Variants in PCDHA7 observed in about 807,000 individuals in gnomAD.
PCDHA7 encodes protocadherin alpha 7.
Under a neutral mutation model 57.2 loss-of-function variants are expected in PCDHA7, and 37 were observed. The ratio of observed to expected loss-of-function variants is 0.65; its 90% CI spans 0.50 to 0.85. The LOEUF is 0.85. Ranked by LOEUF, PCDHA7 falls within the 40% of genes least tolerant of loss-of-function variation. The pLI is 0.00. For missense variants in PCDHA7, 1,188 were observed against 1,241.8 expected, an observed-to-expected ratio of 0.96 and a Z score of 0.65; for synonymous variants, 553 against 558.8, an observed-to-expected ratio of 0.99 and a Z score of 0.15.
chr5:140,876,250 A>C (rs782111802), intron 1 of PCDHA7: 1 of 1,614,046 alleles, frequency 6.2e-7, no homozygotes. Context: ...AAACGACACA[A>C]GAGTGATCCA....
In PCDHA7 at chr5:140,888,611, G is replaced by C. The variant is rs1554183538; in HGVS notation, c.2355+51873G>C. Reference sequence around the variant, plus strand: ...CACATTCAGAGCAGCTTTTAGTGTAGCACTAATTCGGCCTTCTATTACAGC... The same window carrying C: ...CACATTCAGAGCAGCTTTTAGTGTACCACTAATTCGGCCTTCTATTACAGC... On this transcript the variant is annotated intron_variant, in intron 1 of 3. Transcript: ENST00000525929. Among the ~76,000 whole-genome samples the C allele has an allele frequency of 2.0e-5, 3 of 152,144 alleles. No homozygotes were observed. In the East Asian group the frequency reaches 5.8e-4, roughly 29 times the overall value.
At chr5:140,910,276 A>G (rs1461426502) in intron 1 of PCDHA7, among the ~76,000 whole-genome samples, 2 of 152,124 alleles carry the variant, frequency 1.3e-5, no homozygotes, top group African/African-American at 4.8e-5. Flanking sequence ...ACTTCTAGGA[A>G]CACCATGATT....
intron 3 of PCDHA7, among the ~76,000 whole-genome samples, chr5:140,985,928 C>G (rs1001132600): frequency 9.9e-5 from 15 of 151,534 alleles, no homozygotes; most frequent in Non-Finnish European, 1.3e-4. Context: ...TTTAGTAGAG[C>G]CGGGGTTTCA....
Position 140,883,198 on chromosome 5 carries a change from C to G in PCDHA7, c.2355+46460C>G, listed in dbSNP as rs145698462. 1.9e-6 allele frequency: 3 copies of G among 1,613,572 alleles called. No individual in the cohort carries two copies. Among genetic ancestry groups the G allele is most frequent in the Admixed American group, 1.7e-5 (1 of 59,932 alleles). On this transcript the variant is annotated intron_variant, in intron 1 of 3. Transcript: ENST00000525929. ...TTAGGACAAAAGGCAAACTAGATTT[C>G]GAAGAAAAGAAATTATATGAAATAT...
chr5:140,843,328 G>T lies in PCDHA7; in HGVS notation c.2355+6590G>T, dbSNP rs2150357585. On this transcript the variant is annotated intron_variant, in intron 1 of 3. Coordinates refer to ENST00000525929, the MANE Select transcript of PCDHA7 (RefSeq NM_018910.3). ...CCACGGCCACGGTTCTGGTGTCGCT[G>T]GTGGAGAGCGGCCAGGCTCCAAAAG... 18 of 1,595,922 alleles carry T rather than the reference G, an allele frequency of 1.1e-5. 1 individual carries two copies. The South Asian group carries it at 1.7e-4, about 15-fold the overall frequency.
At chr5:140,910,679 A>G (rs1554194364) in intron 1 of PCDHA7, among the ~76,000 whole-genome samples, 1 of 152,208 alleles carries the variant, frequency 6.6e-6, no homozygotes, top group East Asian at 1.9e-4. Context: ...AAGGGAGATC[A>G]GGCATTTCCA....
At chr5:140,910,525 C>T (rs531874263) in intron 1 of PCDHA7, among the ~76,000 whole-genome samples, 2 of 152,258 alleles carry the variant, frequency 1.3e-5, no homozygotes, top group African/African-American at 4.8e-5. Context: ...GCAGGTACTC[C>T]CCTCACAAAT....
chr5:140,861,870 GC>G (rs1319389506), intron 1 of PCDHA7: 1 of 156,092 alleles, frequency 6.4e-6, no homozygotes, highest in East Asian at 1.9e-4. Context: ...ACTGATGGGG[GC>G]GAAGCTGAGC....
chr5:140,903,290 G>A (rs1554190896), intron 1 of PCDHA7, among the ~76,000 whole-genome samples: 3 of 152,016 alleles, frequency 2.0e-5, no homozygotes, highest in African/African-American at 7.3e-5. Flanking sequence ...TTGTGCATTA[G>A]GAAATTTAGT....
At chr5:140,838,077 AGTGTGTGTGTGTGTGTGTGTGT>A (rs57130401) in intron 1 of PCDHA7, among the ~76,000 whole-genome samples, 4 of 80,664 alleles carry the variant, frequency 5.0e-5, no homozygotes, top group Admixed American at 1.2e-4. Flanking sequence ...ATATATATAT[AGTGTGTGTGTGTGTGTGTGTGT>A]GTGTGTGTGT....
At chr5:140,927,891 GA>G (rs1554205193) in intron 1 of PCDHA7, 1 of 1,614,192 alleles carries the variant, frequency 6.2e-7, no homozygotes, top group Admixed American at 1.7e-5. Context: ...TGACTGACGT[GA>G]ACGATCATGC....
At chr5:140,895,868 A>G (rs555320203) in intron 1 of PCDHA7, among the ~76,000 whole-genome samples, 5 of 152,228 alleles carry the variant, frequency 3.3e-5, no homozygotes, top group Admixed American at 6.5e-5. Flanking sequence ...CTGGAGTGCA[A>G]TGGCGCGATC....
intron 1 of PCDHA7, chr5:140,966,547 G>A (rs2096020137): frequency 2.1e-6 from 1 of 467,502 alleles, no homozygotes; most frequent in Non-Finnish European, 3.6e-6. Context: ...ACTCGGAGGC[G>A]AGCGGAGGAG....
At chr5:140,996,926 T>C (rs569386997) in intron 3 of PCDHA7, among the ~76,000 whole-genome samples, 4 of 152,320 alleles carry the variant, frequency 2.6e-5, no homozygotes, top group Middle Eastern at 3.4e-3. Flanking sequence ...TTAAAAAATA[T>C]AGCATTTTTG....
At chr5:140,972,917 C>T (rs1279060017) in intron 1 of PCDHA7, among the ~76,000 whole-genome samples, 1 of 152,074 alleles carries the variant, frequency 6.6e-6, no homozygotes, top group Non-Finnish European at 1.5e-5. Context: ...CCGCCTTGGC[C>T]TCCCAAAGTG....
In PCDHA7 at chr5:140,944,201, G is replaced by T. The variant is rs1389405246; in HGVS notation, c.2356-34748G>T. Among the ~76,000 whole-genome samples, 5 of 152,034 alleles carry T rather than the reference G, an allele frequency of 3.3e-5. No homozygotes were observed. In the East Asian group the frequency reaches 9.6e-4, roughly 29 times the overall value. On this transcript the variant is annotated intron_variant, in intron 1 of 3. Coordinates refer to ENST00000525929, the MANE Select transcript of PCDHA7 (RefSeq NM_018910.3). ...TTGTTGGTTTGTTTTGTTTTGTTTT[G>T]TTTTTAAAGAGGGTTTTACTCTGTC...
intron 1 of PCDHA7, among the ~76,000 whole-genome samples, chr5:140,888,151 CT>C (rs1247816625): frequency 4.6e-5 from 7 of 152,106 alleles, no homozygotes; most frequent in Non-Finnish European, 8.8e-5. Context: ...TTTTGCATGA[CT>C]GGTAATCTCT....
At chr5:140,849,902 G>A (rs1297576408) in intron 1 of PCDHA7, 3 of 1,598,418 alleles carry the variant, frequency 1.9e-6, no homozygotes, top group Non-Finnish European at 2.6e-6. Context: ...AGAACAACCC[G>A]CCGGGCTGCC....
intron 1 of PCDHA7, chr5:140,850,823 TTC>T (rs1310925868): frequency 6.3e-7 from 1 of 1,598,142 alleles, no homozygotes; most frequent in African/African-American, 1.3e-5. Flanking sequence ...GCCCGGGCCT[TTC>T]TCCTTGTGCT....
Sources: allele counts gnomAD v4.1 joint callset (sites outside exome capture counted in the v4.1 genomes callset), GRCh38; gene constraint gnomAD v4.1.1; transcripts MANE v1.5; gene names NCBI Gene and HGNC (gene_info 2026-07-23, HGNC 2026-07-21).